WWOX: variants seen among roughly 807,000 people sequenced by gnomAD.
WWOX encodes the protein WW domain-containing oxidoreductase.
Under a neutral mutation model 46.2 loss-of-function variants are expected in WWOX, and 69 were observed. The observed-to-expected ratio is 1.49, with a 90% CI of 1.23 to 1.82. The LOEUF (loss-of-function observed/expected upper bound fraction) is 1.82. Among genes scored for constraint, WWOX ranks in the 40% most tolerant of loss-of-function variants. The pLI is 0.00. For synonymous variants in WWOX, 359 were observed against 202.6 expected (o/e 1.77, Z -6.56); for missense variants, 919 against 542.6 (o/e 1.69, Z -6.89).
At chr16:78,432,928 G>C (rs900475450) in intron 8 of WWOX, among the ~76,000 whole-genome samples, 176 bp downstream of exon 8, 1 of 152,140 alleles carries the variant, frequency 6.6e-6, no homozygotes, top group Non-Finnish European at 1.5e-5. Flanking sequence ...AAGTCTGTTT[G>C]GGTAAATGCG....
chr16:78,332,626 A>C (rs1470651095), intron 5 of WWOX, among the ~76,000 whole-genome samples: 1 of 152,172 alleles, frequency 6.6e-6, no homozygotes, highest in East Asian at 1.9e-4. Context: ...TTGGGTGGTT[A>C]ATGATCTGAT....
chr16:78,606,985 C>A (rs2045775541), intron 8 of WWOX, among the ~76,000 whole-genome samples: 1 of 152,034 alleles, frequency 6.6e-6, no homozygotes, highest in African/African-American at 2.4e-5. Context: ...TGGGCAGACT[C>A]TGTTTTTGTT....
intron 8 of WWOX, among the ~76,000 whole-genome samples, chr16:79,186,694 C>G (rs1021058762): frequency 6.6e-6 from 1 of 152,118 alleles, no homozygotes; most frequent in Non-Finnish European, 1.5e-5. Flanking sequence ...AATCATCTCA[C>G]TCCTGTAAAC....
chr16:78,330,905 C>T (rs1004025134), intron 5 of WWOX, among the ~76,000 whole-genome samples: 2 of 152,174 alleles, frequency 1.3e-5, no homozygotes, highest in African/African-American at 2.4e-5. Context: ...ATTTTCAATA[C>T]AGTTAGTCTC....
intron 8 of WWOX, among the ~76,000 whole-genome samples, chr16:78,791,617 C>T (rs566173313): frequency 5.3e-4 from 80 of 152,158 alleles, no homozygotes; most frequent in African/African-American, 1.9e-3. Context: ...GTGGCTCATA[C>T]CTGTAATCCC....
intron 8 of WWOX, among the ~76,000 whole-genome samples, chr16:78,762,834 CT>C (rs1264651369): frequency 6.6e-6 from 1 of 152,164 alleles, no homozygotes; most frequent in African/African-American, 2.4e-5. Flanking sequence ...ATAAAAGCAC[CT>C]ACTTGTTAAG....
rs62033391 is a variant in WWOX, at chr16:78,352,855, C to A, written c.517-34005C>A. On this transcript the variant is annotated intron_variant, in intron 5 of 8. Coordinates refer to ENST00000566780, the MANE Select transcript of WWOX (RefSeq NM_016373.4). The stretch of plus-strand genomic sequence containing the variant: ...AGTTAGATAGATCCTTCTGGATTGG[C>A]GGTTGATTGAATATTGGCTGTACAA... Among the ~76,000 whole-genome samples, 9 of 151,998 alleles carry A rather than the reference C, an allele frequency of 5.9e-5. No homozygotes were observed. The South Asian group carries it at 1.0e-3, about 18-fold the overall frequency.
intron 5 of WWOX, among the ~76,000 whole-genome samples, chr16:78,268,024 G>T (rs1034378727): frequency 2.6e-5 from 4 of 152,102 alleles, no homozygotes; most frequent in African/African-American, 4.8e-5. Context: ...TTGCCATGTT[G>T]CCCAGGCTCA....
chr16:78,653,798 T>C (rs559570322), intron 8 of WWOX, among the ~76,000 whole-genome samples: 62 of 152,350 alleles, frequency 4.1e-4, no homozygotes, highest in African/African-American at 1.3e-3. Flanking sequence ...ATTGCAGTTT[T>C]TGCCATTGAA....
intron 8 of WWOX, among the ~76,000 whole-genome samples, chr16:79,175,652 C>G (rs756180588): frequency 2.0e-5 from 3 of 152,186 alleles, no homozygotes; most frequent in African/African-American, 7.2e-5. Flanking sequence ...TGAGGACGTG[C>G]TCTGATTCTG....
intron 8 of WWOX, among the ~76,000 whole-genome samples, chr16:78,802,899 G>C (rs546755210): frequency 2.0e-5 from 2 of 102,442 alleles, no homozygotes; most frequent in East Asian, 6.5e-4. Context: ...CTGGGTCACA[G>C]AGCAAGACTT....
intron 8 of WWOX, among the ~76,000 whole-genome samples, chr16:78,827,415 C>CA (rs1827841333): frequency 1.3e-5 from 2 of 151,954 alleles, no homozygotes; most frequent in African/African-American, 4.8e-5. Context: ...CTCTGTGGCT[C>CA]CAGGGTCAGG....
intron 5 of WWOX, among the ~76,000 whole-genome samples, chr16:78,299,152 ACT>A (rs2079995814): frequency 6.6e-6 from 1 of 152,030 alleles, no homozygotes; most frequent in Admixed American, 6.6e-5. Context: ...CAGAAGACTG[ACT>A]CTCAGAACGG....
intron 8 of WWOX, among the ~76,000 whole-genome samples, chr16:79,152,782 A>T (rs1204117236): frequency 6.6e-6 from 1 of 152,124 alleles, no homozygotes; most frequent in Non-Finnish European, 1.5e-5. Context: ...CAGTGCAGCT[A>T]ACATCTAGCA....
intron 5 of WWOX, among the ~76,000 whole-genome samples, chr16:78,371,426 AAAG>A (rs1223937221): frequency 2.0e-5 from 3 of 152,196 alleles, no homozygotes; most frequent in African/African-American, 7.2e-5. Flanking sequence ...TAACGTATGA[AAAG>A]AATCCATATT....
chr16:78,154,148 C>G (rs1431077245), intron 4 of WWOX, among the ~76,000 whole-genome samples: 1 of 152,170 alleles, frequency 6.6e-6, no homozygotes, highest in African/African-American at 2.4e-5. Flanking sequence ...CCTTGGACAC[C>G]TAGACTTAGG....
intron 5 of WWOX, among the ~76,000 whole-genome samples, chr16:78,372,367 C>T (rs1031384626): frequency 2.0e-5 from 3 of 152,164 alleles, no homozygotes; most frequent in African/African-American, 7.2e-5. Flanking sequence ...CGTCTACCCC[C>T]CTGCTGCTCT....
At chr16:78,623,631 G>C (rs2046240864) in intron 8 of WWOX, among the ~76,000 whole-genome samples, 1 of 151,868 alleles carries the variant, frequency 6.6e-6, no homozygotes, top group Non-Finnish European at 1.5e-5. Context: ...AGTGAGTGCG[G>C]TGGCAGCTGG....
At chr16:78,995,650 G>A (rs1193410541) in intron 8 of WWOX, among the ~76,000 whole-genome samples, 1 of 152,112 alleles carries the variant, frequency 6.6e-6, no homozygotes, top group African/African-American at 2.4e-5. Context: ...GGTTGATGGG[G>A]ACAGCAAGAT....
Sources: gnomAD v4.1 joint callset for allele counts (sites outside exome capture counted in the v4.1 genomes callset) on GRCh38, gnomAD v4.1.1 for gene constraint, MANE v1.5 for transcripts, NCBI Gene and HGNC (gene_info 2026-07-23, HGNC 2026-07-21) for gene names.